The following ZNF33B variants were observed in gnomAD, a reference collection of about 807,000 sequenced individuals.
The protein encoded by ZNF33B is zinc finger protein 11b (KOX 2).
Under a neutral mutation model 45.8 loss-of-function variants are expected in ZNF33B, and 29 were observed. The ratio of observed to expected loss-of-function variants is 0.63; its 90% CI spans 0.47 to 0.86. The LOEUF (loss-of-function observed/expected upper bound fraction) is 0.86. Among genes scored for constraint, ZNF33B ranks in the 40% least tolerant of loss-of-function variants. ZNF33B has a pLI of 0.00. For synonymous variants in ZNF33B, 305 were observed against 307.8 expected, an observed-to-expected ratio of 0.99 and a Z score of 0.10; for missense variants, 831 against 909.9, an observed-to-expected ratio of 0.91 and a Z score of 1.12.
At chr10:42,626,697 A>G (rs1321878234) in intron 4 of ZNF33B, among the ~76,000 whole-genome samples, 4 of 85,042 alleles carry the variant, frequency 4.7e-5, no homozygotes, top group African/African-American at 3.6e-4. Flanking sequence ...AAATAAATAA[A>G]TAAATAAATA....
chr10:42,595,016 C>T (rs1015546439), intron 4 of ZNF33B, among the ~76,000 whole-genome samples: 3 of 152,100 alleles, frequency 2.0e-5, no homozygotes, highest in African/African-American at 4.8e-5. Flanking sequence ...ATGCATCTCC[C>T]CAAGAACTAT....
chr10:42,585,591 C>A (rs1316474368), downstream of ZNF33B, among the ~76,000 whole-genome samples: 2 of 152,182 alleles, frequency 1.3e-5, no homozygotes, highest in Non-Finnish European at 2.9e-5. Context: ...ATGCATAATA[C>A]TGATAATGAA....
chr10:42,626,513 C>T (rs1315275524), intron 4 of ZNF33B, among the ~76,000 whole-genome samples: 5 of 152,030 alleles, frequency 3.3e-5, no homozygotes, highest in African/African-American at 1.2e-4. Flanking sequence ...TAAGGTGAAA[C>T]ACCGTCTTTA....
chr10:42,611,233 T>C (rs1301685790), intron 4 of ZNF33B, among the ~76,000 whole-genome samples: 3 of 151,746 alleles, frequency 2.0e-5, no homozygotes, highest in Non-Finnish European at 4.4e-5. Flanking sequence ...CCTAGCTACT[T>C]GGGAGGCTGA....
At chr10:42,606,308 C>G (rs184396956) in intron 4 of ZNF33B, among the ~76,000 whole-genome samples, 2 of 151,398 alleles carry the variant, frequency 1.3e-5, no homozygotes, top group Non-Finnish European at 2.9e-5. Flanking sequence ...CTACTAAAAA[C>G]ACAAAAATTA....
At chr10:42,601,117 C>T (rs571403316) in intron 4 of ZNF33B, among the ~76,000 whole-genome samples, 1 of 152,276 alleles carries the variant, frequency 6.6e-6, no homozygotes, top group East Asian at 1.9e-4. Flanking sequence ...TAATGTTCTA[C>T]TATTTTCTCT....
intron 4 of ZNF33B, among the ~76,000 whole-genome samples, chr10:42,613,053 A>C (rs1838167014): frequency 6.6e-6 from 1 of 152,222 alleles, no homozygotes; most frequent in Admixed American, 6.5e-5. Flanking sequence ...AAAAAATAGT[A>C]TCAATGAAGG....
intron 4 of ZNF33B, among the ~76,000 whole-genome samples, chr10:42,595,211 T>C (rs1256368091): frequency 6.6e-6 from 1 of 152,042 alleles, no homozygotes; most frequent in African/African-American, 2.4e-5. Flanking sequence ...TCACATGGAA[T>C]AGAGGAGACA....
intron 4 of ZNF33B, among the ~76,000 whole-genome samples, chr10:42,619,858 A>G (rs1394643886): frequency 6.6e-6 from 1 of 152,204 alleles, no homozygotes; most frequent in Non-Finnish European, 1.5e-5. Flanking sequence ...CAAAGACAAT[A>G]TCTTAAAAAT....
At chr10:42,575,806 C>G (rs1036289070) in intron 1 of ZNF33B, among the ~76,000 whole-genome samples, 1 of 150,934 alleles carries the variant, frequency 6.6e-6, no homozygotes, top group South Asian at 2.1e-4. Context: ...TCTCAGCTCA[C>G]CACGACATCT....
rs149979023 is a variant in ZNF33B at position 42,592,886 on chromosome 10, C to T, written c.2064G>A (p.Thr688=). ...SGLILHERKH[T]GEKPYECNEC... is the part of the protein sequence containing the mutation. ...CATTGCATTCATAGGGTTTCTCCCC[C>T]GTGTGCTTTCTCTCATGTAAAATAA... is the stretch of plus-strand genomic sequence containing the variant. Residue 688 remains threonine (T), a synonymous_variant, in exon 5 of 5, where the codon ACG becomes ACA. Coordinates refer to ENST00000359467, the MANE Select transcript of ZNF33B (RefSeq NM_006955.3). 3.6e-5 allele frequency: 58 copies of T among 1,613,594 alleles called. No homozygotes were observed. The highest frequency in any genetic ancestry group is 8.0e-5 in the African/African-American group (6 of 74,794).
Position 42,592,935 on chromosome 10 carries a change from T to C in ZNF33B, c.2015A>G (p.Lys672Arg). Reference sequence around the variant, plus strand: ...AAGTCCTGACTTCACACAGAAAGATTTTCCACATTCGTTACATTTATAAGG... The same window carrying C: ...AAGTCCTGACTTCACACAGAAAGATCTTCCACATTCGTTACATTTATAAGG... Reference protein sequence around the residue: ...EKPYKCNECGKSFCVKSGLIL... With the variant: ...EKPYKCNECGRSFCVKSGLIL... The change falls in exon 5 of 5, where the codon AAA (lysine) becomes AGA (arginine). Residue 672 changes from lysine to arginine, a missense_variant. Physicochemically the swap from Lys to Arg is conservative, Grantham distance 26. Transcript: ENST00000359467. 3.1e-6 allele frequency: 5 copies of C among 1,613,886 alleles called. No homozygotes were observed. The highest frequency in any genetic ancestry group is 3.4e-6 in the Non-Finnish European group (4 of 1,179,958).
intron 4 of ZNF33B, 79 bp from the exon 5 acceptor site, chr10:42,594,778 T>C: frequency 6.9e-7 from 1 of 1,441,478 alleles, no homozygotes; most frequent in South Asian, 1.6e-5. Context: ...ACAAATGCCC[T>C]ATGTTGTAGC....
downstream of ZNF33B, among the ~76,000 whole-genome samples, chr10:42,584,955 C>A (rs1016194902): frequency 5.3e-5 from 8 of 152,348 alleles, no homozygotes; most frequent in South Asian, 2.1e-4. Context: ...CGATGCCCTG[C>A]AGAGCTCACT....
At chr10:42,638,061 C>A (rs1839409822) in intron 1 of ZNF33B, among the ~76,000 whole-genome samples, 1 of 152,174 alleles carries the variant, frequency 6.6e-6, no homozygotes, top group Non-Finnish European at 1.5e-5. Flanking sequence ...CAGTTCGAAA[C>A]CTAAAGAGGA....
chr10:42,600,188 T>A (rs1837560921), intron 4 of ZNF33B, among the ~76,000 whole-genome samples: 1 of 152,122 alleles, frequency 6.6e-6, no homozygotes, highest in Non-Finnish European at 1.5e-5. Context: ...GGGAGGAGTG[T>A]GCAGAAGAAT....
In ZNF33B at chr10:42,582,652, G is replaced by A. The variant is rs143761756; in HGVS notation, c.74-7974C>T. The A allele has an allele frequency of 8.5e-4, 132 of 155,656 alleles. 1 individual carries two copies. The Middle Eastern group carries it at 0.024, about 29-fold the overall frequency. 9.6% of individuals were successfully genotyped at this position (155,656 alleles called of 1,614,324 possible). A position where few individuals can be genotyped will look rare whatever the true frequency, so the allele number is the denominator to read the frequency against. On this transcript the variant is annotated intron_variant, in intron 1 of 1. Coordinates refer to the ZNF33B transcript ENST00000462075. ...GACAGAGAAGGAAGTGATTCTTGGT[G>A]TTGAGCTCAAATAGATACTTAAAAT... is the stretch of plus-strand genomic sequence containing the variant.
At chr10:42,629,852 T>C (rs181231721) in intron 4 of ZNF33B, among the ~76,000 whole-genome samples, 7 of 152,356 alleles carry the variant, frequency 4.6e-5, no homozygotes, top group African/African-American at 1.4e-4. Flanking sequence ...GTAGTTGTTC[T>C]AGGTATTAAA....
chr10:42,606,341 T>C (rs1284684959), intron 4 of ZNF33B, among the ~76,000 whole-genome samples: 2 of 151,988 alleles, frequency 1.3e-5, no homozygotes, highest in East Asian at 3.9e-4. Context: ...GGCGCATGCC[T>C]GTAATCCTAG....
Sources: allele counts gnomAD v4.1 joint callset (sites outside exome capture counted in the v4.1 genomes callset), GRCh38; gene constraint gnomAD v4.1.1; transcripts MANE v1.5; gene names NCBI Gene and HGNC (gene_info 2026-07-23, HGNC 2026-07-21).